The following HIBADH variants were observed in gnomAD, a reference collection of about 807,000 sequenced individuals.
HIBADH encodes the protein 3-hydroxyisobutyrate dehydrogenase.
In HIBADH, 25 loss-of-function variants were observed where a neutral mutation model predicts 36.1. The ratio of observed to expected loss-of-function variants is 0.69; its 90% CI spans 0.50 to 0.97. The LOEUF (loss-of-function observed/expected upper bound fraction) is 0.97. Among genes scored for constraint, HIBADH ranks in the 50% least tolerant of loss-of-function variants. The probability of loss-of-function intolerance (pLI) is 0.00; values close to 1 mark genes in which losing one functional copy is unlikely to be tolerated. For synonymous variants in HIBADH, 160 were observed against 149.5 expected (o/e 1.07, Z -0.51); for missense variants, 421 against 418.0 (o/e 1.01, Z -0.06).
At chr7:27,637,948 T>C (rs1224568006) in intron 2 of HIBADH, among the ~76,000 whole-genome samples, 1 of 152,000 alleles carries the variant, frequency 6.6e-6, no homozygotes, top group Non-Finnish European at 1.5e-5. Context: ...GACACAAACA[T>C]TCCATGCTCA....
intron 1 of HIBADH, among the ~76,000 whole-genome samples, chr7:27,659,564 T>C (rs565124652): frequency 6.6e-6 from 1 of 151,130 alleles, no homozygotes; most frequent in South Asian, 2.1e-4. Flanking sequence ...AAAAAATAAA[T>C]AAATAAATAA....
At chr7:27,635,634 G>C (rs1325482256) in intron 2 of HIBADH, among the ~76,000 whole-genome samples, 2 of 152,198 alleles carry the variant, frequency 1.3e-5, no homozygotes, top group African/African-American at 4.8e-5. Context: ...CCCATGAAAA[G>C]GGGCTAAGGG....
At chr7:27,602,820 T>C (rs1175304962) in intron 4 of HIBADH, among the ~76,000 whole-genome samples, 2 of 152,150 alleles carry the variant, frequency 1.3e-5, no homozygotes, top group Admixed American at 6.5e-5. Flanking sequence ...CATTATTTAC[T>C]CTTTCCTACT....
At chr7:27,655,057 T>C (rs1786272413) in intron 1 of HIBADH, among the ~76,000 whole-genome samples, 1 of 152,212 alleles carries the variant, frequency 6.6e-6, no homozygotes, top group Non-Finnish European at 1.5e-5. Context: ...GTATACTTTA[T>C]GTACAACTTA....
intron 4 of HIBADH, among the ~76,000 whole-genome samples, chr7:27,621,524 G>A (rs1003455183): frequency 4.6e-5 from 7 of 152,178 alleles, no homozygotes; most frequent in Non-Finnish European, 1.0e-4. Flanking sequence ...AGGCGCAGTG[G>A]CTCACACCTG....
At chr7:27,566,111 C>T (rs1050822117) in intron 4 of HIBADH, among the ~76,000 whole-genome samples, 5 of 152,112 alleles carry the variant, frequency 3.3e-5, no homozygotes, top group African/African-American at 1.2e-4. Context: ...ATAAAGAATA[C>T]TAATCTGTAC....
chr7:27,597,407 G>T (rs987000124), intron 4 of HIBADH, among the ~76,000 whole-genome samples: 4 of 151,338 alleles, frequency 2.6e-5, no homozygotes, highest in African/African-American at 9.7e-5. Context: ...GATTATTATT[G>T]GGTACCAAAG....
intron 4 of HIBADH, among the ~76,000 whole-genome samples, chr7:27,547,048 CCT>C (rs1338685984): frequency 2.0e-5 from 3 of 152,188 alleles, no homozygotes; most frequent in Non-Finnish European, 4.4e-5. Context: ...ACTTCCTAGC[CCT>C]CTCAGTATAA....
intron 4 of HIBADH, among the ~76,000 whole-genome samples, chr7:27,579,843 T>C (rs1254762138): frequency 1.3e-5 from 2 of 152,196 alleles, no homozygotes; most frequent in African/African-American, 4.8e-5. Flanking sequence ...AGCAGCGAGG[T>C]ATCTTTACCA....
At chr7:27,662,143 T>C (rs1011650099) in intron 1 of HIBADH, among the ~76,000 whole-genome samples, 4 of 152,106 alleles carry the variant, frequency 2.6e-5, no homozygotes, top group African/African-American at 7.2e-5. Context: ...GGGAAGCCCG[T>C]CTTGCTGGTC....
intron 4 of HIBADH, among the ~76,000 whole-genome samples, chr7:27,579,836 A>G (rs1784764295): frequency 1.3e-5 from 2 of 152,234 alleles, no homozygotes; most frequent in Non-Finnish European, 2.9e-5. Flanking sequence ...CCAAAAAAGC[A>G]GCGAGGTATC....
At chr7:27,616,531 G>A (rs1348201009) in intron 4 of HIBADH, among the ~76,000 whole-genome samples, 2 of 152,026 alleles carry the variant, frequency 1.3e-5, no homozygotes, top group East Asian at 1.9e-4. Context: ...GTGCCATCAC[G>A]ACTCACTGCA....
At chr7:27,613,378 T>TAGGC (rs10642707) in intron 4 of HIBADH, among the ~76,000 whole-genome samples, 10 of 146,496 alleles carry the variant, frequency 6.8e-5, no homozygotes, top group African/African-American at 2.3e-4. Context: ...TTTAGATAGA[T>TAGGC]AGACAGATAA....
At chr7:27,531,052 CT>C in intron 7 of HIBADH, 139 bp downstream of exon 7, 1 of 817,542 alleles carries the variant, frequency 1.2e-6, no homozygotes, top group Non-Finnish European at 1.9e-6. Flanking sequence ...TAGGTTTTTA[CT>C]CATTTTCAGT....
intron 2 of HIBADH, among the ~76,000 whole-genome samples, chr7:27,643,582 G>T (rs781326607): frequency 3.9e-5 from 6 of 152,178 alleles, no homozygotes; most frequent in Non-Finnish European, 8.8e-5. Context: ...ATACTAAGTG[G>T]TATAGAAAGA....
intron 1 of HIBADH, among the ~76,000 whole-genome samples, chr7:27,653,391 G>A (rs1184626845): frequency 6.6e-6 from 1 of 152,052 alleles, no homozygotes; most frequent in Non-Finnish European, 1.5e-5. Flanking sequence ...TTTTACCCAG[G>A]GTAACTATGA....
intron 1 of HIBADH, among the ~76,000 whole-genome samples, chr7:27,657,750 C>T (rs1469425859): frequency 2.0e-5 from 3 of 152,080 alleles, no homozygotes; most frequent in African/African-American, 4.8e-5. Context: ...TTAAAATTTT[C>T]TCTGAGTTGG....
At position 27,603,171 on chromosome 7, in the gene HIBADH, G is replaced by GT. The variant is rs1243582925; in HGVS notation, c.484+26199dup. 2.6e-5 allele frequency among the ~76,000 whole-genome samples: 4 copies of GT among 151,994 alleles called. No individual in the cohort carries two copies. In the East Asian group the frequency reaches 7.7e-4, roughly 29 times the overall value. ...CTTTTTCTCTGGATTGACTAAAAAGGTAAGTTTAAACAGTTTTTGTCAGTT... is the reference window on the plus strand; with the variant it reads ...CTTTTTCTCTGGATTGACTAAAAAGGTTAAGTTTAAACAGTTTTTGTCAGTT... On this transcript the variant is annotated intron_variant, in intron 4 of 7. Transcript: ENST00000265395.
At chr7:27,639,079 C>T (rs1410643115) in intron 2 of HIBADH, among the ~76,000 whole-genome samples, 1 of 152,144 alleles carries the variant, frequency 6.6e-6, no homozygotes, top group African/African-American at 2.4e-5. Context: ...CCCAGCAATC[C>T]CATTATTGGG....
Sources: gnomAD v4.1 joint callset for allele counts (sites outside exome capture counted in the v4.1 genomes callset) on GRCh38, gnomAD v4.1.1 for gene constraint, MANE v1.5 for transcripts, NCBI Gene and HGNC (gene_info 2026-07-23, HGNC 2026-07-21) for gene names.